The following ADCY5 variants were observed in gnomAD, a reference collection of about 807,000 sequenced individuals.
ADCY5 encodes adenylate cyclase 5, also known as adenylate cyclase type 5.
A neutral mutation model predicts 119.7 loss-of-function variants in ADCY5; 30 were observed. That is an observed-to-expected ratio of 0.25 (90% CI 0.19 to 0.34). The LOEUF (loss-of-function observed/expected upper bound fraction) is 0.34, where lower values mean the gene tolerates loss of function less well. ADCY5 is among the 10% of genes least tolerant of loss of function. The pLI is 1.00. For synonymous variants in ADCY5, 753 were observed against 762.2 expected, an observed-to-expected ratio of 0.99 and a Z score of 0.20; for missense variants, 1,324 against 1,775.2, an observed-to-expected ratio of 0.75 and a Z score of 4.57.
chr3:123,346,973 A>T (rs1942596511), intron 3 of ADCY5, among the ~76,000 whole-genome samples: 1 of 152,160 alleles, frequency 6.6e-6, no homozygotes, highest in Admixed American at 6.5e-5. Context: ...TGCTGTCAGC[A>T]GCTTCTGTCT....
intron 1 of ADCY5, among the ~76,000 whole-genome samples, chr3:123,384,995 C>A (rs1944170013): frequency 6.6e-6 from 1 of 152,162 alleles, no homozygotes; most frequent in African/African-American, 2.4e-5. Flanking sequence ...GGGAACACTG[C>A]AAAGCCAGCC....
intron 4 of ADCY5, 69 bp from the exon 5 acceptor site, chr3:123,331,085 A>C (rs1191791708): frequency 4.6e-6 from 7 of 1,535,670 alleles, no homozygotes; most frequent in East Asian, 2.3e-5. Flanking sequence ...AGAAACGAGA[A>C]GCAAAAAGAT....
rs371231929 is a variant in ADCY5 at position 123,448,309 on chromosome 3, G to C, written c.237C>G (p.Asp79Glu). The C allele has an allele frequency of 2.0e-6, 3 of 1,521,182 alleles. No individual in the cohort carries two copies. The highest frequency in any genetic ancestry group is 2.9e-5 in the African/African-American group (2 of 69,740). The allele number at this position is 1,521,182 out of a possible 1,614,324, so 94.2% of individuals were successfully genotyped here. A position where few individuals can be genotyped will look rare whatever the true frequency, so the allele number is the denominator to read the frequency against. ...LASRWRSDDD[D>E]DPPLSGDDPL... Reference sequence around the variant, plus strand: ...GGTCGTCACCGCTCAGCGGAGGATCGTCGTCGTCGTCGCTGCGCCAGCGGC... The same window carrying C: ...GGTCGTCACCGCTCAGCGGAGGATCCTCGTCGTCGTCGCTGCGCCAGCGGC... Residue 79 changes from aspartate (D) to glutamate (E), a missense_variant, in exon 1 of 21, where the codon GAC becomes GAG. Asp to Glu is a conservative substitution (Grantham distance 45). Transcript: ENST00000462833.
chr3:123,317,750 C>CAAA (rs71142731), intron 11 of ADCY5, among the ~76,000 whole-genome samples: 8 of 133,600 alleles, frequency 6.0e-5, no homozygotes, highest in South Asian at 2.4e-4. Context: ...CACGCCGACC[C>CAAA]AAAAAAAAAA....
chr3:123,325,119 G>A (rs1041954251), intron 8 of ADCY5, among the ~76,000 whole-genome samples: 1 of 152,246 alleles, frequency 6.6e-6, no homozygotes, highest in African/African-American at 2.4e-5. Flanking sequence ...AATGAGGCAT[G>A]CCACGGGGTG....
intron 3 of ADCY5, among the ~76,000 whole-genome samples, chr3:123,337,569 G>C (rs973844894): frequency 9.2e-5 from 14 of 152,330 alleles, no homozygotes; most frequent in African/African-American, 3.1e-4. Context: ...GCCATTCCTG[G>C]GCTTGCAGCC....
At chr3:123,334,217 G>A (rs1447445341) in intron 3 of ADCY5, among the ~76,000 whole-genome samples, 1 of 152,032 alleles carries the variant, frequency 6.6e-6, no homozygotes, top group Admixed American at 6.5e-5. Context: ...CTGAGTCCGC[G>A]CAAAAGCCCT....
In ADCY5 at chr3:123,359,331, A is replaced by AATATATATATATATATATAT. The variant is rs57105101; in HGVS notation, c.1135-6770_1135-6751dup. On this transcript the variant is annotated intron_variant, in intron 1 of 20. Coordinates refer to ENST00000462833, the MANE Select transcript of ADCY5 (RefSeq NM_183357.3). ...AATATTTGGGACCTACTTATACTAA[A>AATATATATATATATATATAT]ATATATATATATATATATATATATA... is the stretch of plus-strand genomic sequence containing the variant. Among the ~76,000 whole-genome samples the AATATATATATATATATATAT allele has an allele frequency of 9.2e-3, 1,009 of 109,394 alleles. 17 individuals are homozygous for AATATATATATATATATATAT. Among genetic ancestry groups the AATATATATATATATATATAT allele is most frequent in the Non-Finnish European group, 0.011 (606 of 54,636 alleles). The allele number at this position is 109,394 out of a possible 152,430, so 71.8% of individuals were successfully genotyped here. A position where few individuals can be genotyped will look rare whatever the true frequency, so the allele number is the denominator to read the frequency against.
chr3:123,285,201 G>A (rs562708040), intron 20 of ADCY5, among the ~76,000 whole-genome samples: 3 of 152,286 alleles, frequency 2.0e-5, no homozygotes, highest in South Asian at 2.1e-4. Flanking sequence ...ACCACAGGTC[G>A]TTTGAGAGCC....
At chr3:123,372,160 C>A (rs1413859541) in intron 1 of ADCY5, among the ~76,000 whole-genome samples, 1 of 152,178 alleles carries the variant, frequency 6.6e-6, no homozygotes, top group Non-Finnish European at 1.5e-5. Flanking sequence ...ACACTTCTCT[C>A]ACCTCAATTT....
At chr3:123,367,766 C>T in intron 1 of ADCY5, 1 of 1,306,992 alleles carries the variant, frequency 7.7e-7, no homozygotes, top group South Asian at 1.5e-5. Flanking sequence ...CCCCCATCCC[C>T]TAGCCTGATC....
At chr3:123,308,264 G>C (rs1393434064) in intron 12 of ADCY5, among the ~76,000 whole-genome samples, 1 of 151,400 alleles carries the variant, frequency 6.6e-6, no homozygotes, top group African/African-American at 2.4e-5. Context: ...GTCTTGATCT[G>C]CTGACCTCGT....
chr3:123,376,044 C>T (rs919130588), intron 1 of ADCY5, among the ~76,000 whole-genome samples: 6 of 151,514 alleles, frequency 4.0e-5, no homozygotes, highest in East Asian at 2.0e-4. Flanking sequence ...GGCCTTAATC[C>T]GCCTGCTCAC....
At chr3:123,353,476 G>A (rs1942921371) in intron 1 of ADCY5, among the ~76,000 whole-genome samples, 1 of 152,186 alleles carries the variant, frequency 6.6e-6, no homozygotes, top group Admixed American at 6.5e-5. Context: ...TTGACTTGGG[G>A]CCACATGGAA....
chr3:123,447,250 T>A (rs910246978), intron 1 of ADCY5, among the ~76,000 whole-genome samples, 162 bp downstream of exon 1: 5 of 152,284 alleles, frequency 3.3e-5, no homozygotes, highest in African/African-American at 1.2e-4. Flanking sequence ...CCGCTGGGGC[T>A]CAGAGTGGGG....
chr3:123,284,527 TCCCCGCCAC>T lies in ADCY5; in HGVS notation c.*72_*80del. 13 of 1,579,976 alleles carry T rather than the reference TCCCCGCCAC, an allele frequency of 8.2e-6. No homozygotes were observed. In the South Asian group the frequency reaches 1.3e-4, roughly 15 times the overall value. ...CAGCCCTGCGGGCTGGAGCATGGCT[TCCCCGCCAC>T]CCCCGGCACACAGAGAAGCTGCTTC... is the stretch of plus-strand genomic sequence containing the variant. On this transcript the variant is annotated 3_prime_UTR_variant, in exon 21 of 21. Coordinates refer to ENST00000462833, the MANE Select transcript of ADCY5 (RefSeq NM_183357.3).
At chr3:123,288,720 G>A (rs753836125) in intron 19 of ADCY5, among the ~76,000 whole-genome samples, 52 of 152,168 alleles carry the variant, frequency 3.4e-4, no homozygotes, top group Non-Finnish European at 6.2e-4. Flanking sequence ...CAAAATAAAA[G>A]GTTGGGGGTA....
At chr3:123,314,202 G>C in intron 12 of ADCY5, 33 bp downstream of exon 12, 3 of 1,558,880 alleles carry the variant, frequency 1.9e-6, no homozygotes, top group Non-Finnish European at 2.6e-6. Context: ...GCGGGAAGAA[G>C]GTGGCTGCAA....
At chr3:123,421,258 T>C (rs1394646759) in intron 1 of ADCY5, among the ~76,000 whole-genome samples, 1 of 152,192 alleles carries the variant, frequency 6.6e-6, no homozygotes, top group Non-Finnish European at 1.5e-5. Flanking sequence ...CTACACACTA[T>C]TATAAGCATG....
Sources: gnomAD v4.1 joint callset for allele counts (sites outside exome capture counted in the v4.1 genomes callset) on GRCh38, gnomAD v4.1.1 for gene constraint, MANE v1.5 for transcripts, NCBI Gene and HGNC (gene_info 2026-07-23, HGNC 2026-07-21) for gene names.